FILIP1L: variants seen among roughly 807,000 people sequenced by gnomAD.
FILIP1L encodes the protein filamin A-interacting protein 1-like.
Under a neutral mutation model 96.6 loss-of-function variants are expected in FILIP1L, and 55 were observed. That is an observed-to-expected ratio of 0.57 (90% CI 0.46 to 0.71). The LOEUF is 0.71. Ranked by LOEUF, FILIP1L falls within the 30% of genes least tolerant of loss-of-function variation. The pLI is 0.00. For synonymous variants in FILIP1L, 467 were observed against 473.9 expected (o/e 0.99, Z 0.19); for missense variants, 1,304 against 1,321.2 (o/e 0.99, Z 0.20).
At chr3:100,098,969 A>C (rs113824460) in intron 1 of FILIP1L, among the ~76,000 whole-genome samples, 228 of 152,322 alleles carry the variant, frequency 1.5e-3, no homozygotes, top group African/African-American at 5.1e-3. Flanking sequence ...TCAGCCATGC[A>C]TGGGATGTGG....
chr3:99,958,385 A>C (rs958563538), intron 1 of FILIP1L, among the ~76,000 whole-genome samples: 1 of 152,056 alleles, frequency 6.6e-6, no homozygotes, highest in African/African-American at 2.4e-5. Context: ...AGGGCCTGTT[A>C]ATGCCAGCCA....
At chr3:99,919,649 T>C (rs929933506) in intron 4 of FILIP1L, among the ~76,000 whole-genome samples, 8 of 152,040 alleles carry the variant, frequency 5.3e-5, no homozygotes, top group African/African-American at 1.9e-4. Context: ...TCTGATTTAC[T>C]CAGTTAACAG....
At chr3:99,898,852 A>G (rs1420211757) in intron 4 of FILIP1L, 2 of 152,096 alleles carry the variant, frequency 1.3e-5, no homozygotes, top group Non-Finnish European at 2.9e-5. Context: ...GAACTATTAC[A>G]TATGAATACC....
intron 5 of FILIP1L, among the ~76,000 whole-genome samples, chr3:99,836,756 C>A (rs1464002720): frequency 6.6e-6 from 1 of 152,200 alleles, no homozygotes; most frequent in Non-Finnish European, 1.5e-5. Context: ...GTGATTGAAC[C>A]ACTATCCAGG....
chr3:99,952,109 C>G (rs1430944565), intron 1 of FILIP1L, among the ~76,000 whole-genome samples: 2 of 151,946 alleles, frequency 1.3e-5, no homozygotes, highest in Non-Finnish European at 2.9e-5. Flanking sequence ...ATAGATTTGG[C>G]ACAGGCATCA....
intron 1 of FILIP1L, among the ~76,000 whole-genome samples, chr3:99,992,012 G>GTGTGTGTA (rs1553703657): frequency 6.9e-6 from 1 of 145,554 alleles, no homozygotes; most frequent in African/African-American, 2.5e-5. Flanking sequence ...ATGTGTGTGT[G>GTGTGTGTA]TATATATATA....
At chr3:100,054,749 C>A (rs1394987276) in intron 1 of FILIP1L, among the ~76,000 whole-genome samples, 2 of 152,130 alleles carry the variant, frequency 1.3e-5, no homozygotes, top group East Asian at 3.8e-4. Flanking sequence ...ACCCTCAAGC[C>A]CTGGGATGAG....
chr3:99,993,622 A>G (rs905489148), intron 1 of FILIP1L, among the ~76,000 whole-genome samples: 7 of 152,036 alleles, frequency 4.6e-5, no homozygotes, highest in Non-Finnish European at 8.8e-5. Flanking sequence ...TTTGTCATAT[A>G]TGGTCTTTAT....
chr3:99,971,119 C>G (rs1176365722), intron 1 of FILIP1L, among the ~76,000 whole-genome samples: 1 of 152,134 alleles, frequency 6.6e-6, no homozygotes, highest in Non-Finnish European at 1.5e-5. Flanking sequence ...GGGCGGATCA[C>G]TAGGTCAGGA....
chr3:99,831,993 C>T (rs945374372), intron 5 of FILIP1L, among the ~76,000 whole-genome samples: 1 of 152,146 alleles, frequency 6.6e-6, no homozygotes, highest in Non-Finnish European at 1.5e-5. Context: ...TGGTGGAGCT[C>T]GTTTCTTTTG....
chr3:99,985,617 C>T (rs1174955951), intron 1 of FILIP1L, among the ~76,000 whole-genome samples: 2 of 150,202 alleles, frequency 1.3e-5, no homozygotes, highest in Non-Finnish European at 3.0e-5. Flanking sequence ...GAGATAGAGT[C>T]TCGCTCTGTT....
Position 99,830,459 on chromosome 3 carries a change from T to A in FILIP1L, c.3528A>T (p.Arg1176Ser), listed in dbSNP as rs1047675830. ...GGAGGAAGGTGTTGGAGGTGACAGT[T>A]CTCACGATGTGTAGCTTCCCACAGC... ...QNGCGKLHIVRTVTSNTFLHV... is the reference protein window; with the variant it reads ...QNGCGKLHIVSTVTSNTFLHV... Residue 1176 changes from arginine to serine, a missense_variant, in exon 6 of 6, where the codon AGA (arginine) becomes AGT (serine). Transcript: ENST00000477258. 4.4e-6 allele frequency: 2 copies of A among 456,326 alleles called. No homozygotes were observed. The allele number at this position is 456,326 out of a possible 1,614,324, so 28.3% of individuals were successfully genotyped here. A position where few individuals can be genotyped will look rare whatever the true frequency, so the allele number is the denominator to read the frequency against.
Position 99,914,226 on chromosome 3 carries a change from C to G in FILIP1L, c.605+10004G>C, listed in dbSNP as rs1339026818. On this transcript the variant is annotated intron_variant, in intron 4 of 5. Transcript: ENST00000477258. ...AGGATCCTGGATTTGGACTCTAAGA[C>G]TTGATATAGGATATATGAAGGAGGA... is the stretch of plus-strand genomic sequence containing the variant. Among the ~76,000 whole-genome samples the G allele has an allele frequency of 2.6e-5, 4 of 152,184 alleles. No individual in the cohort carries two copies. In the East Asian group the frequency reaches 7.7e-4, roughly 29 times the overall value.
chr3:100,017,099 T>C (rs1380658216), intron 1 of FILIP1L, among the ~76,000 whole-genome samples: 1 of 152,254 alleles, frequency 6.6e-6, no homozygotes, highest in African/African-American at 2.4e-5. Flanking sequence ...CTCATTTTGA[T>C]ATTTTTCCTT....
rs181298317 is a variant in FILIP1L at position 99,858,373 on chromosome 3, G to A, written c.606-7303C>T. Among the ~76,000 whole-genome samples the A allele has an allele frequency of 1.2e-3, 188 of 152,180 alleles. 1 individual carries two copies. Among genetic ancestry groups the A allele is most frequent in the South Asian group, 1.0e-3 (5 of 4,828 alleles). On this transcript the variant is annotated intron_variant, in intron 4 of 5. Transcript: ENST00000477258. ...CCAGCTACTTGGGAGGCTGAGGCAGGAGAATTGCTTGAACCCGTGAGGCAG... is the reference window on the plus strand; with the variant it reads ...CCAGCTACTTGGGAGGCTGAGGCAGAAGAATTGCTTGAACCCGTGAGGCAG...
chr3:99,850,526 C>G lies in FILIP1L; in HGVS notation c.1150G>C (p.Gly384Arg), dbSNP rs776559519. Residue 384 changes from glycine (G) to arginine (R), a missense_variant, in exon 5 of 6, where the codon GGG becomes CGG. Coordinates refer to ENST00000477258, the MANE Select transcript of FILIP1L (RefSeq NM_001387850.1). ...ELRKRVLDME[G>R]KDEELIKMEE... ...ATTTTTATGAGCTCTTCATCTTTCCCTTCCATATCTAGCACACGTTTCCTG... is the reference window on the plus strand; with the variant it reads ...ATTTTTATGAGCTCTTCATCTTTCCGTTCCATATCTAGCACACGTTTCCTG... 1.9e-6 allele frequency: 3 copies of G among 1,613,316 alleles called. No homozygotes were observed. The highest frequency in any genetic ancestry group is 2.2e-5 in the South Asian group (2 of 90,878).
chr3:99,850,106 GAGA>G lies in FILIP1L; in HGVS notation c.1567_1569del (p.Ser523del), dbSNP rs754959682. 1.9e-6 allele frequency: 3 copies of G among 1,613,018 alleles called. No individual in the cohort carries two copies. Among genetic ancestry groups the G allele is most frequent in the African/African-American group, 1.3e-5 (1 of 74,932 alleles). On this transcript the variant is annotated inframe_deletion, in exon 5 of 6. Transcript: ENST00000477258. ...ACTTTATTTTGCTCCACTTGAAGCT[GAGA>G]AGAAGCAGCTTGTAATTTATCTTCA...
At chr3:99,881,957 C>T (rs1427232853) in intron 4 of FILIP1L, among the ~76,000 whole-genome samples, 1 of 152,130 alleles carries the variant, frequency 6.6e-6, no homozygotes, top group East Asian at 1.9e-4. Context: ...TACAATTGAA[C>T]AAGTTTTGTT....
chr3:100,100,438 A>G (rs1169792887), intron 1 of FILIP1L, among the ~76,000 whole-genome samples: 2 of 152,170 alleles, frequency 1.3e-5, no homozygotes, highest in Admixed American at 6.5e-5. Context: ...GATTTTACAG[A>G]TTAGGTCATA....
Sources: gnomAD v4.1 joint callset for allele counts (sites outside exome capture counted in the v4.1 genomes callset) on GRCh38, gnomAD v4.1.1 for gene constraint, MANE v1.5 for transcripts, NCBI Gene and HGNC (gene_info 2026-07-23, HGNC 2026-07-21) for gene names.